The following TBC1D19 variants were observed in gnomAD, a reference collection of about 807,000 sequenced individuals.
The protein encoded by TBC1D19 is TBC1 domain family, member 19.
TBC1D19 carries 60 observed loss-of-function variants against 89.0 expected under a neutral mutation model. That is an observed-to-expected ratio of 0.67 (90% CI 0.55 to 0.84). TBC1D19 has a LOEUF of 0.84. Among genes scored for constraint, TBC1D19 ranks in the 40% least tolerant of loss-of-function variants. The pLI is 0.00. For missense variants in TBC1D19, 500 were observed against 610.8 expected, an observed-to-expected ratio of 0.82 and a Z score of 1.91; for synonymous variants, 189 against 199.7, an observed-to-expected ratio of 0.95 and a Z score of 0.45.
the TBC1D19 span, among the ~76,000 whole-genome samples, chr4:26,827,962 A>C: frequency 6.6e-6 from 1 of 152,094 alleles, no homozygotes; most frequent in East Asian, 1.9e-4. Context: ...TAGCTTTGAA[A>C]TGGTTCCTCT....
At chr4:26,822,311 T>C in the TBC1D19 span, among the ~76,000 whole-genome samples, 1 of 152,230 alleles carries the variant, frequency 6.6e-6, no homozygotes, top group East Asian at 1.9e-4. Flanking sequence ...CCAAGCCAAA[T>C]GTGAGTGACT....
At chr4:26,656,514 A>C (rs1242020578) in intron 7 of TBC1D19, among the ~76,000 whole-genome samples, 2 of 151,940 alleles carry the variant, frequency 1.3e-5, no homozygotes, top group African/African-American at 4.8e-5. Context: ...TACAGAAGTA[A>C]GATTCCTACA....
chr4:26,643,472 C>G (rs1156914584), intron 7 of TBC1D19, among the ~76,000 whole-genome samples: 1 of 152,120 alleles, frequency 6.6e-6, no homozygotes, highest in East Asian at 1.9e-4. Context: ...CAAGAGAAAG[C>G]AGGAAAGATC....
In TBC1D19 at chr4:26,615,449, C is replaced by A. The variant is rs145933509; in HGVS notation, c.218+996C>A. Among the ~76,000 whole-genome samples the A allele has an allele frequency of 1.5e-4, 20 of 136,554 alleles. No homozygotes were observed. The East Asian group carries it at 4.6e-3, about 31-fold the overall frequency. 89.6% of individuals were successfully genotyped at this position (136,554 alleles called of 152,430 possible). A position where few individuals can be genotyped will look rare whatever the true frequency, so the allele number is the denominator to read the frequency against. ...AACAGAGTTCCCAAGTCTAATTGCA[C>A]GTCTGCTTTTTTTTTTTTTCCTTTA... On this transcript the variant is annotated intron_variant, in intron 3 of 20. Coordinates refer to ENST00000264866, the MANE Select transcript of TBC1D19 (RefSeq NM_018317.4).
chr4:26,723,160 G>T (rs1487405114), intron 15 of TBC1D19, among the ~76,000 whole-genome samples: 1 of 152,120 alleles, frequency 6.6e-6, no homozygotes, highest in Non-Finnish European at 1.5e-5. Flanking sequence ...TCTCCTCTCA[G>T]GTTGTTTTAG....
At chr4:26,796,228 G>A in the TBC1D19 span, among the ~76,000 whole-genome samples, 2 of 152,234 alleles carry the variant, frequency 1.3e-5, no homozygotes, top group South Asian at 2.1e-4. Flanking sequence ...TATAGAATAA[G>A]CTTCCAAAAG....
intron 10 of TBC1D19, among the ~76,000 whole-genome samples, chr4:26,673,446 T>TATACAC (rs373807642): frequency 4.4e-5 from 4 of 90,882 alleles, no homozygotes; most frequent in African/African-American, 8.5e-5. Context: ...TATATATATA[T>TATACAC]ACACACACAC....
intron 4 of TBC1D19, among the ~76,000 whole-genome samples, chr4:26,625,197 A>T (rs977521572): frequency 2.6e-5 from 4 of 152,106 alleles, no homozygotes; most frequent in South Asian, 2.1e-4. Context: ...TTCTGGGCTC[A>T]TGAGGTTATG....
chr4:26,609,553 C>T (rs547219235), intron 1 of TBC1D19, among the ~76,000 whole-genome samples: 2 of 152,108 alleles, frequency 1.3e-5, no homozygotes, highest in African/African-American at 4.8e-5. Context: ...GTTGGGAAAT[C>T]AGTGAATATA....
At chr4:26,852,918 C>T in the TBC1D19 span, among the ~76,000 whole-genome samples, 3 of 152,204 alleles carry the variant, frequency 2.0e-5, no homozygotes, top group Admixed American at 6.5e-5. Flanking sequence ...TGCACCCGGC[C>T]GGATTCTACC....
chr4:26,619,476 A>C (rs1275369916), intron 3 of TBC1D19, among the ~76,000 whole-genome samples: 1 of 152,150 alleles, frequency 6.6e-6, no homozygotes. Context: ...AAGTGCTGGG[A>C]TTGCAGGCAT....
In TBC1D19 at chr4:26,584,258, C is replaced by T. The variant is rs1340656451; in HGVS notation, c.65C>T (p.Ser22Phe). ...CAGATAGTCCAAAAGCTCAAGGGCT[C>T]CAATTTGTACTCTCAGCTGGAACGG... Reference protein sequence around the residue: ...IAQIVQKLKGSNLYSQLERQA... With the variant: ...IAQIVQKLKGFNLYSQLERQA... The change falls in exon 1 of 21, where the codon TCC (serine) becomes TTC (phenylalanine). Residue 22 changes from serine (S) to phenylalanine (F), a missense_variant. Physicochemically the swap from Ser to Phe is radical, Grantham distance 155. Around this residue, in one of 2 missense-constraint regions of TBC1D19, gnomAD observed 280 missense variants for 291.7 expected, o/e 0.96. Coordinates refer to ENST00000264866, the MANE Select transcript of TBC1D19 (RefSeq NM_018317.4). 1 of 1,612,628 alleles carries T rather than the reference C, an allele frequency of 6.2e-7. No individual in the cohort carries two copies. Among genetic ancestry groups the T allele is most frequent in the East Asian group, 2.2e-5 (1 of 44,840 alleles).
the TBC1D19 span, among the ~76,000 whole-genome samples, chr4:26,823,622 G>A: frequency 6.6e-6 from 1 of 152,188 alleles, no homozygotes; most frequent in African/African-American, 2.4e-5. Flanking sequence ...CCAGTGGAGA[G>A]ATGATAAGAG....
chr4:26,808,727 C>CAAAAAAAAAAA, the TBC1D19 span, among the ~76,000 whole-genome samples: 1 of 95,098 alleles, frequency 1.1e-5, no homozygotes, highest in Non-Finnish European at 2.0e-5. Flanking sequence ...GACTCTGTCT[C>CAAAAAAAAAAA]AAAAAAAAAA....
the TBC1D19 span, among the ~76,000 whole-genome samples, chr4:26,826,806 T>C: frequency 2.0e-5 from 3 of 152,148 alleles, no homozygotes; most frequent in Admixed American, 1.3e-4. Flanking sequence ...GTTCCGGGTG[T>C]GGGTGGTGAC....
intron 1 of TBC1D19, among the ~76,000 whole-genome samples, chr4:26,598,296 C>A (rs1740361306): frequency 1.3e-5 from 2 of 152,072 alleles, no homozygotes; most frequent in Admixed American, 6.5e-5. Flanking sequence ...TATTTAATAT[C>A]CCTATCAGGA....
At chr4:26,779,507 C>G in the TBC1D19 span, among the ~76,000 whole-genome samples, 1 of 152,222 alleles carries the variant, frequency 6.6e-6, no homozygotes, top group African/African-American at 2.4e-5. Context: ...ATCTGTCTAC[C>G]TTTCTTTCCC....
the TBC1D19 span, among the ~76,000 whole-genome samples, chr4:26,770,800 T>C: frequency 2.0e-4 from 30 of 152,090 alleles, no homozygotes; most frequent in Non-Finnish European, 3.8e-4. Context: ...ATATTAGAAA[T>C]TGATAACAAA....
chr4:26,651,563 G>T (rs547709160), intron 7 of TBC1D19, among the ~76,000 whole-genome samples: 2 of 152,166 alleles, frequency 1.3e-5, no homozygotes, highest in Admixed American at 1.3e-4. Flanking sequence ...CATTGATTTT[G>T]TATCCTGAGC....
Sources: gnomAD v4.1 joint callset for allele counts (sites outside exome capture counted in the v4.1 genomes callset) on GRCh38, gnomAD v4.1.1 for gene constraint, gnomAD v4.1.1 regional missense constraint, MANE v1.5 for transcripts, NCBI Gene and HGNC (gene_info 2026-07-23, HGNC 2026-07-21) for gene names.